PPP3CB: variants seen among roughly 807,000 people sequenced by gnomAD.
PPP3CB encodes protein phosphatase 3 catalytic subunit beta.
Under a neutral mutation model 66.4 loss-of-function variants are expected in PPP3CB, and 8 were observed. The ratio of observed to expected loss-of-function variants is 0.12; its 90% CI spans 0.07 to 0.22. PPP3CB has a LOEUF of 0.22. Among genes scored for constraint, PPP3CB ranks in the 10% least tolerant of loss-of-function variants. PPP3CB has a pLI of 1.00. For synonymous variants in PPP3CB, 208 were observed against 221.2 expected (o/e 0.94, Z 0.53); for missense variants, 319 against 642.5 (o/e 0.50, Z 5.44).
chr10:73,483,184 A>G (rs2132995663), intron 1 of PPP3CB, among the ~76,000 whole-genome samples: 1 of 152,338 alleles, frequency 6.6e-6, no homozygotes, highest in East Asian at 1.9e-4. Context: ...GTACTTTCCT[A>G]CTTATTTTTC....
chr10:73,486,931 G>T (rs974916256), intron 1 of PPP3CB, among the ~76,000 whole-genome samples: 9 of 152,184 alleles, frequency 5.9e-5, no homozygotes, highest in Non-Finnish European at 1.2e-4. Context: ...AGCATTTTGG[G>T]AGGCCAAGGC....
intron 12 of PPP3CB, among the ~76,000 whole-genome samples, chr10:73,440,939 A>G (rs1030938873): frequency 1.4e-4 from 22 of 152,218 alleles, no homozygotes; most frequent in Non-Finnish European, 4.4e-5. Context: ...AACTGTATAA[A>G]GAGCTCACAC....
chr10:73,477,026 G>T, intron 3 of PPP3CB: 1 of 392,958 alleles, frequency 2.5e-6, no homozygotes, highest in Non-Finnish European at 5.0e-6. Context: ...ACTAGGGAAG[G>T]TGGTTAAAAG....
At chr10:73,486,328 G>A (rs1311647681) in intron 1 of PPP3CB, among the ~76,000 whole-genome samples, 7 of 135,682 alleles carry the variant, frequency 5.2e-5, no homozygotes, top group Middle Eastern at 4.7e-3. Context: ...CTTCTGAGAC[G>A]GAGTTTTGCT....
intron 1 of PPP3CB, among the ~76,000 whole-genome samples, chr10:73,494,522 T>TG (rs755905166): frequency 5.2e-4 from 79 of 152,226 alleles, no homozygotes; most frequent in African/African-American, 1.9e-3. Flanking sequence ...CTCCAACTCC[T>TG]GAGTTCAAGC....
chr10:73,482,114 T>C (rs996920549), intron 1 of PPP3CB, among the ~76,000 whole-genome samples: 4 of 152,092 alleles, frequency 2.6e-5, no homozygotes, highest in African/African-American at 9.7e-5. Context: ...TTTGGGACAT[T>C]ACAAAAATGA....
chr10:73,486,597 G>A (rs776710096), intron 1 of PPP3CB, among the ~76,000 whole-genome samples: 7 of 151,796 alleles, frequency 4.6e-5, no homozygotes, highest in African/African-American at 1.7e-4. Context: ...GAGCCACCGC[G>A]CTTGGCCTCT....
chr10:73,455,992 CAT>C (rs2056422018), intron 9 of PPP3CB, among the ~76,000 whole-genome samples: 1 of 152,274 alleles, frequency 6.6e-6, no homozygotes, highest in South Asian at 2.1e-4. Flanking sequence ...TGCCCTGGCA[CAT>C]GACAGGTACT....
chr10:73,442,885 AT>A (rs939221723), intron 12 of PPP3CB, among the ~76,000 whole-genome samples: 1 of 151,778 alleles, frequency 6.6e-6, no homozygotes. Context: ...CAGGAAAAAA[AT>A]TTTTTTTATT....
intron 9 of PPP3CB, among the ~76,000 whole-genome samples, chr10:73,455,138 C>T (rs1418921519): frequency 6.6e-6 from 1 of 152,132 alleles, no homozygotes; most frequent in East Asian, 1.9e-4. Context: ...CCGCCTTGGC[C>T]TCCCAAAGTG....
At chr10:73,489,577 G>T (rs1237825943) in intron 1 of PPP3CB, among the ~76,000 whole-genome samples, 1 of 152,000 alleles carries the variant, frequency 6.6e-6, no homozygotes, top group Non-Finnish European at 1.5e-5. Flanking sequence ...GAAAATTAAG[G>T]CTTGGAGATG....
intron 9 of PPP3CB, among the ~76,000 whole-genome samples, chr10:73,455,579 CT>C (rs1035071375): frequency 9.9e-5 from 15 of 151,270 alleles, no homozygotes; most frequent in African/African-American, 2.9e-4. Context: ...TGTCAACTGT[CT>C]TTTTTTTTGA....
chr10:73,458,195 G>A (rs1450533394), intron 9 of PPP3CB, among the ~76,000 whole-genome samples: 1 of 152,138 alleles, frequency 6.6e-6, no homozygotes, highest in Non-Finnish European at 1.5e-5. Flanking sequence ...GGAGTGCAGT[G>A]GTGTGATCTT....
intron 1 of PPP3CB, among the ~76,000 whole-genome samples, chr10:73,481,547 T>C (rs987320553): frequency 1.3e-5 from 2 of 151,436 alleles, no homozygotes; most frequent in Admixed American, 6.6e-5. Context: ...AGGGTCATCA[T>C]TGTAATGATC....
In PPP3CB at chr10:73,438,504, A is replaced by G. The variant is rs1024461909; in HGVS notation, c.1397-84T>C. On this transcript the variant is annotated intron_variant, in intron 13 of 13. Coordinates refer to ENST00000360663, the MANE Select transcript of PPP3CB (RefSeq NM_021132.4). ...AACATAATTAATGATTTTTAAGAAG[A>G]AAGAAATTAGTAGCTGTAAGTAGCA... The G allele has an allele frequency of 2.2e-5, 29 of 1,296,440 alleles. No homozygotes were observed. The Admixed American group carries it at 3.3e-4, about 15-fold the overall frequency. The allele number at this position is 1,296,440 out of a possible 1,614,324, so 80.3% of individuals were successfully genotyped here.
intron 1 of PPP3CB, among the ~76,000 whole-genome samples, chr10:73,481,168 T>TTTC (rs1234547613): frequency 1.3e-5 from 2 of 149,298 alleles, no homozygotes; most frequent in Admixed American, 6.6e-5. Context: ...TTTTTTTCTT[T>TTTC]TTTTTTTTTT....
chr10:73,477,887 A>T (rs1246950547), intron 3 of PPP3CB, among the ~76,000 whole-genome samples: 2 of 152,144 alleles, frequency 1.3e-5, no homozygotes, highest in African/African-American at 4.8e-5. Flanking sequence ...ACTGTACTCC[A>T]GCATGGGCCA....
chr10:73,438,525 T>G, intron 13 of PPP3CB, 105 bp from the exon 14 acceptor site: 1 of 949,146 alleles, frequency 1.1e-6, no homozygotes, highest in Non-Finnish European at 1.6e-6. Flanking sequence ...TAGCTGTAAG[T>G]AGCAACACAT....
At chr10:73,494,657 A>G (rs985728122) in intron 1 of PPP3CB, among the ~76,000 whole-genome samples, 9 of 152,142 alleles carry the variant, frequency 5.9e-5, no homozygotes, top group African/African-American at 1.9e-4. Flanking sequence ...AATTAAAAAA[A>G]AAAAAGAAAA....
Sources: allele counts gnomAD v4.1 joint callset (sites outside exome capture counted in the v4.1 genomes callset), GRCh38; gene constraint gnomAD v4.1.1; transcripts MANE v1.5; gene names NCBI Gene and HGNC (gene_info 2026-07-23, HGNC 2026-07-21).